Variants in HIF1A observed in about 807,000 individuals in gnomAD.
HIF1A encodes hypoxia inducible factor 1 subunit alpha, also known as hypoxia-inducible factor 1-alpha.
A neutral mutation model predicts 92.7 loss-of-function variants in HIF1A; 24 were observed. The observed-to-expected ratio is 0.26, with a 90% CI of 0.19 to 0.36. HIF1A has a LOEUF of 0.36. Among genes scored for constraint, HIF1A ranks in the 10% least tolerant of loss-of-function variants. The probability of loss-of-function intolerance (pLI) is 1.00; values close to 1 mark genes in which losing one functional copy is unlikely to be tolerated. For synonymous variants in HIF1A, 319 were observed against 338.7 expected, an observed-to-expected ratio of 0.94 and a Z score of 0.64; for missense variants, 799 against 998.5, an observed-to-expected ratio of 0.80 and a Z score of 2.69.
chr14:61,720,910 C>A (rs377757103), intron 2 of HIF1A, among the ~76,000 whole-genome samples: 2 of 152,122 alleles, frequency 1.3e-5, no homozygotes, highest in Non-Finnish European at 2.9e-5. Flanking sequence ...TCCCCTCCCC[C>A]CTTTTTCTCC....
intron 1 of HIF1A, among the ~76,000 whole-genome samples, chr14:61,705,400 T>G (rs1432168896): frequency 6.6e-6 from 1 of 151,654 alleles, no homozygotes; most frequent in African/African-American, 2.4e-5. Context: ...GAGTGTAACT[T>G]CAACACTGCT....
chr14:61,711,910 T>TTATTAATTCA (rs2044312878), intron 1 of HIF1A, among the ~76,000 whole-genome samples: 1 of 152,188 alleles, frequency 6.6e-6, no homozygotes, highest in Admixed American at 6.5e-5. Context: ...GAATCTCAAC[T>TTATTAATTCA]TATTAATTCA....
rs531629998 is a variant in HIF1A, at chr14:61,710,042, A to T, written c.36-10340A>T. Reference sequence around the variant, plus strand: ...GTATTCTGGTTTTATCTGTGCATCTATGAGTTATATGTGTGTATAGCTACA... The same window carrying T: ...GTATTCTGGTTTTATCTGTGCATCTTTGAGTTATATGTGTGTATAGCTACA... On this transcript the variant is annotated intron_variant, in intron 1 of 14. Coordinates refer to ENST00000337138, the MANE Select transcript of HIF1A (RefSeq NM_001530.4). Among the ~76,000 whole-genome samples, 6 of 152,312 alleles carry T rather than the reference A, an allele frequency of 3.9e-5. No homozygotes were observed. In the East Asian group the frequency reaches 1.2e-3, roughly 29 times the overall value.
At chr14:61,713,248 G>A (rs2044327307) in intron 1 of HIF1A, among the ~76,000 whole-genome samples, 1 of 152,202 alleles carries the variant, frequency 6.6e-6, no homozygotes, top group African/African-American at 2.4e-5. Flanking sequence ...AGGCCATAAT[G>A]CCAAATTTCT....
At position 61,738,306 on chromosome 14, in the gene HIF1A, C is replaced by T; in HGVS notation, c.1469C>T (p.Thr490Ile). The T allele has an allele frequency of 6.2e-7, 1 of 1,614,078 alleles. No individual in the cohort carries two copies. The highest frequency in any genetic ancestry group is 1.3e-5 in the African/African-American group (1 of 75,008). Residue 490 changes from threonine (T) to isoleucine (I), a missense_variant, in exon 10 of 15, where the codon ACC becomes ATC. This residue lies in a region of HIF1A where 516 missense variants were observed against 721.0 expected (regional missense o/e 0.72). Transcript: ENST00000337138. ...CCAGAGTCACTGGAACTTTCTTTTA[C>T]CATGCCCCAGATTCAGGATCAGACA... The part of the protein sequence containing the change: ...PNPESLELSF[T>I]MPQIQDQTPS...
chr14:61,710,964 T>C (rs2044299186), intron 1 of HIF1A, among the ~76,000 whole-genome samples: 1 of 151,180 alleles, frequency 6.6e-6, no homozygotes, highest in Non-Finnish European at 1.5e-5. Context: ...GGAAAATCGC[T>C]TGAACCTGGG....
intron 2 of HIF1A, 59 bp from the exon 3 acceptor site, chr14:61,721,450 T>TA: frequency 7.1e-7 from 1 of 1,399,480 alleles, no homozygotes. Flanking sequence ...ATCTAAATAT[T>TA]ATATCATTTA....
At position 61,744,763 on chromosome 14, in the gene HIF1A, A is replaced by G; in HGVS notation, c.2152A>G (p.Arg718Gly). ...GATACTAGCTTTGCAGAATGCTCAG[A>G]GAAAGCGAAAAATGGAACATGATGG... ...PKILALQNAQ[R>G]KRKMEHDGSL... Residue 718 changes from arginine to glycine, a missense_variant, in exon 13 of 15, where the codon AGA becomes GGA. This residue lies in a region of HIF1A where 283 missense variants were observed against 277.5 expected (regional missense o/e 1.02). Transcript: ENST00000337138. 1.1e-5 allele frequency: 17 copies of G among 1,603,984 alleles called. No individual in the cohort carries two copies. The highest frequency in any genetic ancestry group is 1.2e-5 in the Non-Finnish European group (14 of 1,172,820).
At chr14:61,703,649 C>G (rs1421684686) in intron 1 of HIF1A, among the ~76,000 whole-genome samples, 5 of 151,994 alleles carry the variant, frequency 3.3e-5, no homozygotes. Flanking sequence ...AAAAAACTCC[C>G]TCTCTCTTCT....
At chr14:61,735,524 G>A (rs1160234406) in intron 8 of HIF1A, among the ~76,000 whole-genome samples, 1 of 152,130 alleles carries the variant, frequency 6.6e-6, no homozygotes, top group Non-Finnish European at 1.5e-5. Context: ...TATTTTAGCA[G>A]TTATCACAGT....
chr14:61,735,589 T>G (rs573037270), intron 8 of HIF1A, among the ~76,000 whole-genome samples: 39 of 152,342 alleles, frequency 2.6e-4, no homozygotes, highest in Admixed American at 2.5e-3. Context: ...TTTCTTAAGG[T>G]CAAGGGTTGG....
chr14:61,696,898 A>G (rs949557702), intron 1 of HIF1A, among the ~76,000 whole-genome samples: 3 of 152,216 alleles, frequency 2.0e-5, no homozygotes, highest in African/African-American at 7.2e-5. Flanking sequence ...TTGAAGTTTG[A>G]GTCTAAGGGG....
intron 2 of HIF1A, among the ~76,000 whole-genome samples, chr14:61,720,909 C>A (rs1014202830): frequency 3.3e-5 from 5 of 152,082 alleles, no homozygotes; most frequent in Admixed American, 2.0e-4. Context: ...TTCCCCTCCC[C>A]CCTTTTTCTC....
intron 12 of HIF1A, among the ~76,000 whole-genome samples, chr14:61,744,151 T>G (rs1456288505): frequency 6.6e-6 from 1 of 152,236 alleles, no homozygotes; most frequent in Non-Finnish European, 1.5e-5. Flanking sequence ...TTAACTGTTT[T>G]GACTCTACAA....
At chr14:61,714,725 A>G (rs1430899804) in intron 1 of HIF1A, among the ~76,000 whole-genome samples, 2 of 152,218 alleles carry the variant, frequency 1.3e-5, no homozygotes, top group Non-Finnish European at 2.9e-5. Flanking sequence ...GAATAACTTT[A>G]AAAATGAGTA....
chr14:61,714,261 C>G (rs1346686541), intron 1 of HIF1A, among the ~76,000 whole-genome samples: 3 of 152,126 alleles, frequency 2.0e-5, no homozygotes, highest in Non-Finnish European at 2.9e-5. Context: ...ATGCAAACAG[C>G]AAGACAATGC....
At chr14:61,722,555 C>A (rs1486989462) in intron 4 of HIF1A, among the ~76,000 whole-genome samples, 1 of 152,078 alleles carries the variant, frequency 6.6e-6, no homozygotes, top group African/African-American at 2.4e-5. Context: ...TTAAAATACA[C>A]CATTAAGGCA....
At chr14:61,739,118 C>G (rs1056311414) in intron 10 of HIF1A, among the ~76,000 whole-genome samples, 4 of 152,102 alleles carry the variant, frequency 2.6e-5, no homozygotes, top group Non-Finnish European at 4.4e-5. Context: ...TGGGAAAGGA[C>G]CTTATAAATT....
chr14:61,742,255 G>A (rs1220916050), intron 12 of HIF1A, among the ~76,000 whole-genome samples: 3 of 152,176 alleles, frequency 2.0e-5, no homozygotes, highest in South Asian at 4.1e-4. Context: ...TATCTAATAA[G>A]TGTGTGGAAA....
Sources: gnomAD v4.1 joint callset for allele counts (sites outside exome capture counted in the v4.1 genomes callset) on GRCh38, gnomAD v4.1.1 for gene constraint, gnomAD v4.1.1 regional missense constraint, MANE v1.5 for transcripts, NCBI Gene and HGNC (gene_info 2026-07-23, HGNC 2026-07-21) for gene names.